The following ECT2L variants were observed in gnomAD, a reference collection of about 807,000 sequenced individuals.
The protein encoded by ECT2L is epithelial cell transforming 2 like.
A neutral mutation model predicts 122.8 loss-of-function variants in ECT2L; 126 were observed. The observed-to-expected ratio is 1.03, with a 90% CI of 0.89 to 1.19. The LOEUF (loss-of-function observed/expected upper bound fraction) is 1.19. ECT2L is among the 50% of genes most tolerant of loss of function. The probability of loss-of-function intolerance (pLI) is 0.00; values close to 1 mark genes in which losing one functional copy is unlikely to be tolerated. For missense variants in ECT2L, 1,012 were observed against 1,064.1 expected (o/e 0.95, Z 0.68); for synonymous variants, 385 against 381.8 (o/e 1.01, Z -0.10).
At chr6:138,879,161 C>T (rs1161257494) in intron 14 of ECT2L, 3 of 252,150 alleles carry the variant, frequency 1.2e-5, no homozygotes, top group African/African-American at 2.3e-5. Context: ...GAATCTGATC[C>T]GCCTCATTGA....
At chr6:138,865,320 C>A (rs12198757) in intron 12 of ECT2L, 142 bp downstream of exon 12, 3 of 633,704 alleles carry the variant, frequency 4.7e-6, no homozygotes, top group East Asian at 5.8e-5. Flanking sequence ...GTTGCTCACA[C>A]GGCCTTTCAA....
At chr6:138,838,202 T>G in intron 4 of ECT2L, 150 bp from the exon 5 acceptor site, 1 of 852,030 alleles carries the variant, frequency 1.2e-6, no homozygotes, top group Non-Finnish European at 1.7e-6. Flanking sequence ...GCACCTGGCC[T>G]GAAAATTTTT....
intron 10 of ECT2L, 106 bp downstream of exon 10, chr6:138,854,260 C>G: frequency 7.6e-7 from 1 of 1,314,084 alleles, no homozygotes; most frequent in East Asian, 2.4e-5. Flanking sequence ...TCACATTTCA[C>G]GCTTCAATTT....
At chr6:138,897,636 G>T (rs1562499045) in intron 20 of ECT2L, among the ~76,000 whole-genome samples, 1 of 152,128 alleles carries the variant, frequency 6.6e-6, no homozygotes, top group Non-Finnish European at 1.5e-5. Flanking sequence ...TTTAGTAAAT[G>T]GCTTTTGAAA....
chr6:138,861,527 T>C (rs1777831542), intron 10 of ECT2L, among the ~76,000 whole-genome samples: 1 of 152,250 alleles, frequency 6.6e-6, no homozygotes, highest in African/African-American at 2.4e-5. Context: ...ATAAATGTCT[T>C]CTTTTGAGAA....
At position 138,844,411 on chromosome 6, in the gene ECT2L, G is replaced by A. The variant is rs1777148304; in HGVS notation, c.596-1G>A. 6.2e-7 allele frequency: 1 copy of A among 1,613,136 alleles called. No homozygotes were observed. The highest frequency in any genetic ancestry group is 8.5e-7 in the Non-Finnish European group (1 of 1,179,280). ...CCCGCCTGCTGTTCTTTGTTTTTCA[G>A]AGGAGTTATTCAAAGTTCGACCCCC... On this transcript the variant is annotated splice_acceptor_variant, in intron 6 of 21. Transcript: ENST00000541398. LOFTEE classifies it high-confidence loss of function.
chr6:138,900,977 T>C lies in ECT2L; in HGVS notation c.2444T>C (p.Leu815Pro). The C allele has an allele frequency of 6.2e-7, 1 of 1,614,084 alleles. No homozygotes were observed. The highest frequency in any genetic ancestry group is 8.5e-7 in the Non-Finnish European group (1 of 1,179,992). The change falls in exon 21 of 22, where the codon CTT becomes CCT. Residue 815 changes from leucine (L) to proline (P), a missense_variant. Physicochemically the swap from Leu to Pro is moderately conservative, Grantham distance 98. Transcript: ENST00000541398. ...RLYEHIHDLS[L>P]FLFNDALLVS... The stretch of plus-strand genomic sequence containing the variant: ...TATGAACACATCCATGATCTCAGCC[T>C]TTTCCTCTTCAATGATGCCCTGCTC...
At chr6:138,857,461 C>T (rs1178047057) in intron 10 of ECT2L, among the ~76,000 whole-genome samples, 2 of 152,142 alleles carry the variant, frequency 1.3e-5, no homozygotes, top group Non-Finnish European at 1.5e-5. Context: ...TCACCTCCCA[C>T]ACTCTCCTCA....
At chr6:138,894,725 C>T (rs1779153692) in intron 20 of ECT2L, among the ~76,000 whole-genome samples, 1 of 152,138 alleles carries the variant, frequency 6.6e-6, no homozygotes. Context: ...AGTATAAAAT[C>T]TTGGTAACTC....
chr6:138,871,234 T>C (rs1322892662), intron 13 of ECT2L, among the ~76,000 whole-genome samples: 2 of 152,166 alleles, frequency 1.3e-5, no homozygotes, highest in African/African-American at 2.4e-5. Context: ...TTTATGTCCA[T>C]AGGAAAGTCA....
intron 16 of ECT2L, among the ~76,000 whole-genome samples, chr6:138,883,964 G>A (rs1778724945): frequency 6.6e-6 from 1 of 152,150 alleles, no homozygotes; most frequent in Non-Finnish European, 1.5e-5. Flanking sequence ...CCCAGGCTCA[G>A]GTGATCCTCC....
At chr6:138,883,435 T>C (rs1778709046) in intron 16 of ECT2L, among the ~76,000 whole-genome samples, 1 of 152,218 alleles carries the variant, frequency 6.6e-6, no homozygotes, top group Admixed American at 6.5e-5. Flanking sequence ...TACCTTCTTA[T>C]GGGAATAACA....
chr6:138,838,464 T>G lies in ECT2L; in HGVS notation c.292T>G (p.Leu98Val). 5 of 1,614,000 alleles carry G rather than the reference T, an allele frequency of 3.1e-6. No individual in the cohort carries two copies. The highest frequency in any genetic ancestry group is 4.2e-6 in the Non-Finnish European group (5 of 1,179,966). The change falls in exon 5 of 22, where the codon TTG becomes GTG. Residue 98 changes from leucine (L) to valine (V), a missense_variant. Physicochemically the swap from Leu to Val is conservative, Grantham distance 32 (BLOSUM62 1). Coordinates refer to ENST00000541398, the MANE Select transcript of ECT2L (RefSeq NM_001077706.3). ...YIFSFLSPKD[L>V]CAAAQVSWPW... ...CTTTTCCTTTTTGAGTCCGAAAGAT[T>G]TGTGTGCCGCTGCCCAAGTCAGCTG...
At chr6:138,838,839 C>T (rs1050170148) in intron 5 of ECT2L, among the ~76,000 whole-genome samples, 3 of 152,148 alleles carry the variant, frequency 2.0e-5, no homozygotes, top group South Asian at 2.1e-4. Context: ...AGTGCAGTGG[C>T]GTGATCTCAG....
rs587777937 is a variant in ECT2L at position 138,854,025 on chromosome 6, G to C, written c.1070-1G>C. On this transcript the variant is annotated splice_acceptor_variant, in intron 9 of 21. Transcript: ENST00000541398. LOFTEE classifies it high-confidence loss of function. ...ATGACATTTTGATTTTTTTTCCTCAGGCTATAAAATTGGTGTTAAAAATTT... is the reference window on the plus strand; with the variant it reads ...ATGACATTTTGATTTTTTTTCCTCACGCTATAAAATTGGTGTTAAAAATTT... 2 of 1,612,360 alleles carry C rather than the reference G, an allele frequency of 1.2e-6. No individual in the cohort carries two copies. Among genetic ancestry groups the C allele is most frequent in the East Asian group, 4.5e-5 (2 of 44,870 alleles).
At chr6:138,866,094 A>G (rs12213988) in intron 12 of ECT2L, among the ~76,000 whole-genome samples, 44,746 of 151,552 alleles carry the variant, frequency 0.3, 7,147 homozygotes, top group Admixed American at 0.39. Context: ...GAGGTGTTCA[A>G]CCATTATTTT....
rs1777320508 is a variant in ECT2L at position 138,848,734 on chromosome 6, T to C, written c.904-535T>C. On this transcript the variant is annotated intron_variant, in intron 8 of 21. Transcript: ENST00000541398. ...AATGCATCATGCTGGCCGGGCATGG[T>C]GGCTTACACCTATAATCCCAACATT... 7.9e-5 allele frequency among the ~76,000 whole-genome samples: 12 copies of C among 152,226 alleles called. No homozygotes were observed. In the South Asian group the frequency reaches 2.3e-3, roughly 29 times the overall value.
chr6:138,849,520 A>C, intron 9 of ECT2L, 86 bp downstream of exon 9: 816 of 1,292,334 alleles, frequency 6.3e-4, no homozygotes, highest in Middle Eastern at 7.6e-4. Flanking sequence ...GGACTATCTC[A>C]GTTCCAAGTT....
intron 10 of ECT2L, among the ~76,000 whole-genome samples, chr6:138,857,756 G>C (rs1479363301): frequency 1.3e-5 from 2 of 152,008 alleles, no homozygotes; most frequent in Non-Finnish European, 2.9e-5. Flanking sequence ...CTTGATCCTA[G>C]CCTCTCTCCT....
Sources: gnomAD v4.1 joint callset for allele counts (sites outside exome capture counted in the v4.1 genomes callset) on GRCh38, gnomAD v4.1.1 for gene constraint, MANE v1.5 for transcripts, NCBI Gene and HGNC (gene_info 2026-07-23, HGNC 2026-07-21) for gene names.